Variants in PDE4D observed in about 807,000 individuals in gnomAD.
PDE4D encodes the protein phosphodiesterase 4D.
A neutral mutation model predicts 87.4 loss-of-function variants in PDE4D; 24 were observed. That is an observed-to-expected ratio of 0.27 (90% confidence interval 0.20 to 0.39). The LOEUF is 0.39. PDE4D is among the 10% of genes least tolerant of loss of function. The pLI, the probability that PDE4D is intolerant of heterozygous loss-of-function variation, is 1.00. For synonymous variants in PDE4D, 384 were observed against 383.2 expected (o/e 1.00, Z -0.02); for missense variants, 714 against 1,041.0 (o/e 0.69, Z 4.32).
In PDE4D at chr5:60,322,375, C is replaced by G. The variant is rs80342828; in HGVS notation, c.-89-136688G>C. 5.5e-4 allele frequency among the ~76,000 whole-genome samples: 48 copies of G among 87,170 alleles called. No homozygotes were observed. In the East Asian group the frequency reaches 0.01, roughly 18 times the overall value. The allele number at this position is 87,170 out of a possible 152,430, so 57.2% of individuals were successfully genotyped here. A position where few individuals can be genotyped will look rare whatever the true frequency, so the allele number is the denominator to read the frequency against. ...ATATATATGGACACACATACACACA[C>G]ACACACACACACACACACACACACA... On this transcript the variant is annotated intron_variant, in intron 1 of 16. Coordinates refer to the PDE4D transcript ENST00000502484.
intron 1 of PDE4D, among the ~76,000 whole-genome samples, chr5:60,328,681 A>C (rs1047561808): frequency 3.3e-5 from 5 of 152,210 alleles, no homozygotes; most frequent in African/African-American, 1.2e-4. Context: ...ACATACCAGA[A>C]ATGAAATAGC....
chr5:59,041,650 C>T (rs540226836), intron 5 of PDE4D, among the ~76,000 whole-genome samples: 236 of 152,224 alleles, frequency 1.6e-3, no homozygotes, highest in African/African-American at 5.4e-3. Context: ...CTCTGAGGTT[C>T]GGCTTTCTGT....
chr5:59,071,499 A>G (rs1360377101), intron 5 of PDE4D, among the ~76,000 whole-genome samples: 1 of 144,918 alleles, frequency 6.9e-6, no homozygotes, highest in African/African-American at 2.5e-5. Flanking sequence ...AACTTATTCT[A>G]TCATGTTTTT....
At chr5:59,753,992 G>A (rs10514856) in intron 1 of PDE4D, among the ~76,000 whole-genome samples, 21,359 of 152,082 alleles carry the variant, frequency 0.14, 1,958 homozygotes, top group Middle Eastern at 0.29. Flanking sequence ...ATTGTCTTCT[G>A]AAGTTTCTAT....
At chr5:59,142,451 T>C (rs1203373280) in intron 5 of PDE4D, among the ~76,000 whole-genome samples, 1 of 152,244 alleles carries the variant, frequency 6.6e-6, no homozygotes. Flanking sequence ...AAGCAAACTT[T>C]AGATTGTAAC....
intron 1 of PDE4D, among the ~76,000 whole-genome samples, chr5:60,224,940 C>T (rs2149606475): frequency 6.6e-6 from 1 of 152,042 alleles, no homozygotes; most frequent in Middle Eastern, 3.4e-3. Flanking sequence ...GCCCAAGATA[C>T]CACATCATGC....
At chr5:59,855,801 G>T (rs1476204164) in intron 1 of PDE4D, among the ~76,000 whole-genome samples, 1 of 152,054 alleles carries the variant, frequency 6.6e-6, no homozygotes, top group East Asian at 1.9e-4. Context: ...ACATATTTTT[G>T]ATTCACATAA....
In PDE4D at chr5:59,341,964, T is replaced by C. The variant is rs188190580; in HGVS notation, c.456-125996A>G. Among the ~76,000 whole-genome samples, 21 of 152,278 alleles carry C rather than the reference T, an allele frequency of 1.4e-4. No individual in the cohort carries two copies. In the East Asian group the frequency reaches 4.1e-3, roughly 29 times the overall value. On this transcript the variant is annotated intron_variant, in intron 1 of 14. Coordinates refer to ENST00000340635, the MANE Select transcript of PDE4D (RefSeq NM_001104631.2). The stretch of plus-strand genomic sequence containing the variant: ...ATCTCATTTAATACTTGAATAACTC[T>C]AATGATGTAGGCGCAGAGGCACCTG...
chr5:59,788,061 T>C (rs571572580), intron 1 of PDE4D, among the ~76,000 whole-genome samples: 3 of 152,292 alleles, frequency 2.0e-5, no homozygotes, highest in East Asian at 3.9e-4. Flanking sequence ...TAACAAGCTA[T>C]GTATAAAACC....
chr5:59,343,654 C>A lies in PDE4D; in HGVS notation c.456-127686G>T, dbSNP rs1779139139. Among the ~76,000 whole-genome samples, 7 of 152,192 alleles carry A rather than the reference C, an allele frequency of 4.6e-5. No homozygotes were observed. In the South Asian group the frequency reaches 1.5e-3, roughly 32 times the overall value. ...GAGCTATTCTTTGATATTTCCTGGG[C>A]TTGGTGTTGATTTCATGAATGCATG... is the stretch of plus-strand genomic sequence containing the variant. On this transcript the variant is annotated intron_variant, in intron 1 of 14. Coordinates refer to ENST00000340635, the MANE Select transcript of PDE4D (RefSeq NM_001104631.2).
intron 2 of PDE4D, among the ~76,000 whole-genome samples, chr5:60,096,531 T>A (rs1342377795): frequency 1.3e-5 from 2 of 152,154 alleles, no homozygotes; most frequent in Non-Finnish European, 2.9e-5. Flanking sequence ...TGCTCTCTAC[T>A]GAAGTTCACG....
chr5:58,995,148 A>G (rs190820530), intron 6 of PDE4D, among the ~76,000 whole-genome samples: 2 of 152,236 alleles, frequency 1.3e-5, no homozygotes, highest in East Asian at 3.9e-4. Context: ...GGAACACTAA[A>G]TTCACTTCTT....
chr5:59,036,464 T>C (rs964784108), intron 6 of PDE4D, among the ~76,000 whole-genome samples: 6 of 152,006 alleles, frequency 3.9e-5, no homozygotes, highest in African/African-American at 1.5e-4. Context: ...AATAACTGAG[T>C]GGAGATGATG....
intron 2 of PDE4D, among the ~76,000 whole-genome samples, chr5:60,102,936 CT>C (rs1305365925): frequency 6.6e-6 from 1 of 150,632 alleles, no homozygotes; most frequent in African/African-American, 2.4e-5. Context: ...TTTTTAGTTT[CT>C]TTTCTACTTG....
At chr5:59,937,820 T>C (rs1352069183) in intron 3 of PDE4D, among the ~76,000 whole-genome samples, 1 of 152,200 alleles carries the variant, frequency 6.6e-6, no homozygotes, top group Non-Finnish European at 1.5e-5. Context: ...CAGTGGTGAA[T>C]GATGGAGTTT....
At chr5:59,897,655 C>T (rs181748480), upstream of PDE4D, among the ~76,000 whole-genome samples, 8 of 151,926 alleles carry the variant, frequency 5.3e-5, no homozygotes, top group African/African-American at 1.4e-4. Flanking sequence ...CCTGTGTCCA[C>T]GTGTTCTCGT....
intron 1 of PDE4D, among the ~76,000 whole-genome samples, chr5:60,416,673 C>T (rs1400311267): frequency 6.6e-6 from 1 of 152,172 alleles, no homozygotes; most frequent in Admixed American, 6.5e-5. Context: ...TCACCATGAG[C>T]GTCCGCGGCT....
chr5:59,386,298 G>C (rs947620396), intron 1 of PDE4D, among the ~76,000 whole-genome samples: 2 of 152,108 alleles, frequency 1.3e-5, no homozygotes, highest in Non-Finnish European at 2.9e-5. Flanking sequence ...GATGTTAAGA[G>C]TCCAGTTGAA....
chr5:59,802,007 T>C (rs1246480326), intron 1 of PDE4D, among the ~76,000 whole-genome samples: 1 of 152,030 alleles, frequency 6.6e-6, no homozygotes, highest in Non-Finnish European at 1.5e-5. Context: ...CTACAGGAGA[T>C]ACAAATAAAG....
Sources: allele counts gnomAD v4.1 joint callset (sites outside exome capture counted in the v4.1 genomes callset), GRCh38; gene constraint gnomAD v4.1.1; transcripts MANE v1.5; gene names NCBI Gene and HGNC (gene_info 2026-07-23, HGNC 2026-07-21).